ZNF44: variants seen among roughly 807,000 people sequenced by gnomAD.
The protein encoded by ZNF44 is zinc finger protein 44.
Under a neutral mutation model 11.7 loss-of-function variants are expected in ZNF44, and 9 were observed. That is an observed-to-expected ratio of 0.77 (90% CI 0.46 to 1.35). The LOEUF (loss-of-function observed/expected upper bound fraction) is 1.35. ZNF44 is among the 40% of genes most tolerant of loss of function. ZNF44 has a pLI of 0.00. For synonymous variants in ZNF44, 224 were observed against 242.7 expected (o/e 0.92, Z 0.72); for missense variants, 696 against 743.1 (o/e 0.94, Z 0.74).
In ZNF44 at chr19:12,272,692, A is replaced by G. The variant is rs201334153; in HGVS notation, c.1563T>C (p.Thr521=). The change falls in exon 4 of 4, where the codon ACT becomes ACC. Residue 521 remains threonine (T), a synonymous_variant. Coordinates refer to ENST00000355684, the MANE Select transcript of ZNF44 (RefSeq NM_016264.4). ...KAFSRFSYLK[T]HERTHTAEKP... ...TCTCTGCCGTGTGAGTCCTTTCATG[A>G]GTTTTTAAGTAACTGAAACGACTGA... 3.2e-4 allele frequency: 513 copies of G among 1,613,294 alleles called. No homozygotes were observed. The highest frequency in any genetic ancestry group is 5.2e-4 in the Admixed American group (31 of 59,948).
At chr19:12,230,223 T>C (rs1009112988) in intron 3 of ZNF44, among the ~76,000 whole-genome samples, 5 of 152,166 alleles carry the variant, frequency 3.3e-5, no homozygotes, top group Non-Finnish European at 7.4e-5. Flanking sequence ...GTGGGATTGT[T>C]TGGCACCCAT....
At chr19:12,294,619 C>G (rs923340323) in intron 1 of ZNF44, 73 bp downstream of exon 1, 9 of 1,535,414 alleles carry the variant, frequency 5.9e-6, no homozygotes, top group Non-Finnish European at 7.9e-6. Flanking sequence ...GCCCGGGTCC[C>G]GCCACAGCCG....
intron 1 of ZNF44, chr19:12,293,451 G>A: frequency 7.3e-7 from 1 of 1,362,340 alleles, no homozygotes; most frequent in Non-Finnish European, 9.7e-7. Flanking sequence ...GTGCCTAGGG[G>A]AGATAAAAGA....
intron 5 of ZNF44, among the ~76,000 whole-genome samples, chr19:12,264,222 T>C (rs973224551): frequency 2.0e-5 from 3 of 152,202 alleles, no homozygotes; most frequent in African/African-American, 7.2e-5. Flanking sequence ...CAATGCTCAG[T>C]TTCTGTCAGT....
chr19:12,280,383 T>C (rs979403771), intron 1 of ZNF44, among the ~76,000 whole-genome samples: 1 of 152,146 alleles, frequency 6.6e-6, no homozygotes, highest in Non-Finnish European at 1.5e-5. Flanking sequence ...TAGTACTATT[T>C]GAAATTGAAG....
Position 12,274,510 on chromosome 19 carries a change from T to G in ZNF44, c.192-447A>C, listed in dbSNP as rs188850086. Among the ~76,000 whole-genome samples, 811 of 151,624 alleles carry G rather than the reference T, an allele frequency of 5.3e-3. 12 individuals are homozygous for G. Among genetic ancestry groups the G allele is most frequent in the African/African-American group, 0.018 (764 of 41,424 alleles). ...GGTTGGTCTCGATCTCCTGACCTCG[T>G]GGATCCACCCACCTCGGCCTCCCAA... On this transcript the variant is annotated intron_variant, in intron 3 of 3. Transcript: ENST00000355684.
At chr19:12,292,826 GA>G (rs1430022606) in intron 1 of ZNF44, among the ~76,000 whole-genome samples, 1 of 147,020 alleles carries the variant, frequency 6.8e-6, no homozygotes, top group Non-Finnish European at 1.5e-5. Flanking sequence ...TAGGCTTGGG[GA>G]AAAAAATGTC....
At chr19:12,284,427 A>G in intron 1 of ZNF44, 1 of 632,810 alleles carries the variant, frequency 1.6e-6, no homozygotes, top group Non-Finnish European at 2.9e-6. Flanking sequence ...AGATTTCGGC[A>G]GTGGCATCCG....
intron 1 of ZNF44, chr19:12,237,313 C>T: frequency 6.5e-6 from 1 of 153,046 alleles, no homozygotes; most frequent in South Asian, 1.9e-4. Flanking sequence ...CAGCCCCACC[C>T]TGTGGCCGAG....
chr19:12,231,132 T>C (rs1433283765), intron 2 of ZNF44, among the ~76,000 whole-genome samples: 1 of 149,480 alleles, frequency 6.7e-6, no homozygotes, highest in Non-Finnish European at 1.5e-5. Context: ...CAGCCTCTAG[T>C]CAAAGGCTTT....
At chr19:12,226,549 T>A (rs1162375576) in intron 3 of ZNF44, 1 of 152,190 alleles carries the variant, frequency 6.6e-6, no homozygotes, top group Non-Finnish European at 1.5e-5. Flanking sequence ...GAAAACAGAT[T>A]CTTGTTGCAC....
chr19:12,282,397 A>C (rs1967508127), intron 1 of ZNF44, among the ~76,000 whole-genome samples: 1 of 151,694 alleles, frequency 6.6e-6, no homozygotes, highest in Non-Finnish European at 1.5e-5. Flanking sequence ...CAGGTTTCCA[A>C]ATCAACCCAC....
downstream of ZNF44, among the ~76,000 whole-genome samples, chr19:12,270,731 G>A (rs566535856): frequency 6.6e-6 from 1 of 152,260 alleles, no homozygotes; most frequent in South Asian, 2.1e-4. Flanking sequence ...AGGATTACAG[G>A]TGTGAACAAG....
intron 6 of ZNF44, chr19:12,250,189 A>T: frequency 7.7e-7 from 1 of 1,300,534 alleles, no homozygotes; most frequent in African/African-American, 1.5e-5. Flanking sequence ...ATATCCAAGA[A>T]AAAGGTATTC....
intron 1 of ZNF44, among the ~76,000 whole-genome samples, chr19:12,277,293 A>G (rs546374637): frequency 1.1e-4 from 16 of 152,338 alleles, no homozygotes; most frequent in African/African-American, 3.4e-4. Context: ...AAAGACTAAT[A>G]AAAGAGATTT....
rs375623888 is a variant in ZNF44, at chr19:12,284,894, C to T, written c.4-8812G>A. 6.6e-5 allele frequency: 48 copies of T among 731,002 alleles called. No individual in the cohort carries two copies. The East Asian group carries it at 7.2e-4, about 11-fold the overall frequency. 45.3% of individuals were successfully genotyped at this position (731,002 alleles called of 1,614,324 possible). ...GCTCTGTGCTGGTGCGCCTCATCCC[C>T]GCACCCAGGGACACTGGCATCGTCT... On this transcript the variant is annotated intron_variant, in intron 1 of 3. Transcript: ENST00000355684.
At chr19:12,284,930 G>C (rs1251710977) in intron 1 of ZNF44, 14 of 718,960 alleles carry the variant, frequency 1.9e-5, no homozygotes, top group South Asian at 1.3e-4. Flanking sequence ...CAGCGCCTGT[G>C]CCCAAGAAGC....
At chr19:12,279,864 T>TAAA (rs60621062) in intron 1 of ZNF44, among the ~76,000 whole-genome samples, 1 of 121,294 alleles carries the variant, frequency 8.2e-6, no homozygotes, top group African/African-American at 3.6e-5. Context: ...TGGTCTGAGT[T>TAAA]AAAAAAAAAA....
upstream of ZNF44, among the ~76,000 whole-genome samples, chr19:12,240,165 C>T (rs186645912): frequency 1.4e-4 from 22 of 152,034 alleles, 2 homozygotes; most frequent in East Asian, 3.3e-3. Context: ...CTTTTTAGGC[C>T]GGGCACAATG....
Sources: allele counts gnomAD v4.1 joint callset (sites outside exome capture counted in the v4.1 genomes callset), GRCh38; gene constraint gnomAD v4.1.1; transcripts MANE v1.5; gene names NCBI Gene and HGNC (gene_info 2026-07-23, HGNC 2026-07-21).